Variants in ARHGAP26 observed in about 807,000 individuals in gnomAD.
ARHGAP26 encodes Rho GTPase activating protein 26.
A neutral mutation model predicts 104.8 loss-of-function variants in ARHGAP26; 38 were observed. The observed-to-expected ratio is 0.36, with a 90% confidence interval of 0.28 to 0.48. ARHGAP26 has a LOEUF of 0.48. ARHGAP26 is among the 20% of genes least tolerant of loss of function. ARHGAP26 has a pLI of 0.99. For synonymous variants in ARHGAP26, 341 were observed against 340.0 expected (o/e 1.00, Z -0.03); for missense variants, 704 against 947.9 (o/e 0.74, Z 3.38).
intron 17 of ARHGAP26, among the ~76,000 whole-genome samples, chr5:143,085,044 CAAAAAAAAAA>C (rs56852430): frequency 1.6e-5 from 1 of 61,648 alleles, no homozygotes; most frequent in Admixed American, 1.9e-4. Flanking sequence ...GACTCCATCT[CAAAAAAAAAA>C]AAAAAAAAAA....
chr5:143,133,175 C>T (rs897256186), intron 18 of ARHGAP26, among the ~76,000 whole-genome samples: 2 of 152,076 alleles, frequency 1.3e-5, no homozygotes, highest in Middle Eastern at 3.4e-3. Flanking sequence ...TCATTTTCTT[C>T]TCATTTTTTA....
In ARHGAP26 at chr5:143,102,317, T is replaced by A. The variant is rs139718635; in HGVS notation, c.1539-18671T>A. Among the ~76,000 whole-genome samples the A allele has an allele frequency of 7.2e-5, 11 of 152,224 alleles. No individual in the cohort carries two copies. The East Asian group carries it at 2.1e-3, about 29-fold the overall frequency. ...CCACTAGCAAGTACCAGAGTGTGAGTCTCCCCTGGCAGGTCTTCCTAGAAA... is the reference window on the plus strand; with the variant it reads ...CCACTAGCAAGTACCAGAGTGTGAGACTCCCCTGGCAGGTCTTCCTAGAAA... On this transcript the variant is annotated intron_variant, in intron 17 of 22. Coordinates refer to ENST00000645722, the MANE Select transcript of ARHGAP26 (RefSeq NM_001135608.3).
intron 20 of ARHGAP26, among the ~76,000 whole-genome samples, chr5:143,151,530 A>G (rs1048562623): frequency 6.6e-6 from 1 of 152,262 alleles, no homozygotes; most frequent in East Asian, 1.9e-4. Context: ...CAAGATGTCT[A>G]TCAGTATGTG....
intron 12 of ARHGAP26, among the ~76,000 whole-genome samples, chr5:143,022,719 C>T (rs1219818020): frequency 6.6e-6 from 1 of 152,212 alleles, no homozygotes; most frequent in East Asian, 1.9e-4. Flanking sequence ...ATGCTGTTCA[C>T]AGCAACTGAG....
chr5:142,890,151 A>AAAAAAAAATATATATAT (rs1252590997), intron 5 of ARHGAP26, among the ~76,000 whole-genome samples: 1 of 32,432 alleles, frequency 3.1e-5, no homozygotes, highest in Non-Finnish European at 5.5e-5. Context: ...AAAAAAAAAA[A>AAAAAAAAATATATATAT]ATATATATAT....
intron 1 of ARHGAP26, among the ~76,000 whole-genome samples, chr5:142,823,723 AAT>A (rs369337454): frequency 2.0e-4 from 30 of 152,328 alleles, no homozygotes; most frequent in Middle Eastern, 3.4e-3. Flanking sequence ...GTCTTACTGA[AAT>A]ATGAATGTCA....
intron 4 of ARHGAP26, among the ~76,000 whole-genome samples, chr5:142,882,192 T>A (rs931647892): frequency 3.3e-5 from 5 of 152,216 alleles, no homozygotes; most frequent in African/African-American, 1.2e-4. Flanking sequence ...GCATGTAGAC[T>A]TGGGGAGGTT....
intron 11 of ARHGAP26, among the ~76,000 whole-genome samples, chr5:142,992,537 C>T (rs767242055): frequency 1.1e-4 from 16 of 151,400 alleles, no homozygotes; most frequent in Non-Finnish European, 1.3e-4. Flanking sequence ...ACGTCATTCT[C>T]CCGCCTCAGC....
chr5:142,790,956 A>T (rs1759677742), intron 1 of ARHGAP26, among the ~76,000 whole-genome samples: 1 of 152,070 alleles, frequency 6.6e-6, no homozygotes, highest in South Asian at 2.1e-4. Context: ...TGAATAAATG[A>T]TGTCGAATGT....
chr5:142,955,125 C>G (rs1379106825), intron 11 of ARHGAP26, among the ~76,000 whole-genome samples: 2 of 149,978 alleles, frequency 1.3e-5, no homozygotes, highest in Non-Finnish European at 3.0e-5. Context: ...CACACACACA[C>G]CCCCCATCTC....
intron 1 of ARHGAP26, among the ~76,000 whole-genome samples, chr5:142,828,398 G>T (rs1181090853): frequency 6.6e-6 from 1 of 152,012 alleles, no homozygotes; most frequent in Non-Finnish European, 1.5e-5. Context: ...TATGACTTAA[G>T]TTTTTTTTAT....
At chr5:142,976,292 C>A (rs1037310765) in intron 11 of ARHGAP26, among the ~76,000 whole-genome samples, 1 of 152,328 alleles carries the variant, frequency 6.6e-6, no homozygotes, top group African/African-American at 2.4e-5. Flanking sequence ...GAAAGCACCT[C>A]TCTAAAGGAA....
chr5:142,898,493 T>C (rs1759802639), intron 6 of ARHGAP26, among the ~76,000 whole-genome samples: 1 of 152,210 alleles, frequency 6.6e-6, no homozygotes, highest in Non-Finnish European at 1.5e-5. Flanking sequence ...CTTCCTCTCC[T>C]TTCCCTCTGC....
intron 17 of ARHGAP26, among the ~76,000 whole-genome samples, chr5:143,093,592 C>A (rs1791801991): frequency 6.6e-6 from 1 of 150,876 alleles, no homozygotes; most frequent in Non-Finnish European, 1.5e-5. Flanking sequence ...CTCACTCTTT[C>A]TCTCTGTCTT....
chr5:142,958,047 A>T (rs1183277684), intron 11 of ARHGAP26, among the ~76,000 whole-genome samples: 1 of 152,166 alleles, frequency 6.6e-6, no homozygotes, highest in Non-Finnish European at 1.5e-5. Context: ...ATTTGAAAAA[A>T]CTGAAAGGAC....
chr5:143,035,786 C>T (rs193193360), intron 12 of ARHGAP26, among the ~76,000 whole-genome samples: 9 of 151,610 alleles, frequency 5.9e-5, no homozygotes, highest in African/African-American at 2.2e-4. Context: ...AAATACAAAA[C>T]TTAGCCAGAT....
chr5:143,220,263 C>G (rs919105970), intron 22 of ARHGAP26, among the ~76,000 whole-genome samples: 2 of 152,118 alleles, frequency 1.3e-5, no homozygotes, highest in Non-Finnish European at 2.9e-5. Flanking sequence ...TTATTCTAAA[C>G]ATTTGATTTT....
chr5:143,192,738 A>G (rs1806131776), intron 20 of ARHGAP26: 1 of 152,204 alleles, frequency 6.6e-6, no homozygotes, highest in Non-Finnish European at 1.5e-5. Flanking sequence ...ATAAGCTGAC[A>G]TTTTGGGAAG....
At chr5:143,055,057 C>T (rs1042742731) in intron 15 of ARHGAP26, among the ~76,000 whole-genome samples, 5 of 152,160 alleles carry the variant, frequency 3.3e-5, no homozygotes, top group Non-Finnish European at 7.4e-5. Context: ...TACTACTGTA[C>T]CCTCTCTATG....
Sources: allele counts gnomAD v4.1 joint callset (sites outside exome capture counted in the v4.1 genomes callset), GRCh38; gene constraint gnomAD v4.1.1; transcripts MANE v1.5; gene names NCBI Gene and HGNC (gene_info 2026-07-23, HGNC 2026-07-21).